Variants in CDK14 observed in about 807,000 individuals in gnomAD.
CDK14 encodes the protein cyclin-dependent kinase 14.
A neutral mutation model predicts 60.7 loss-of-function variants in CDK14; 34 were observed. That is an observed-to-expected ratio of 0.56 (90% CI 0.43 to 0.75). CDK14 has a LOEUF of 0.75. CDK14 is among the 30% of genes least tolerant of loss of function. CDK14 has a pLI of 0.00. For missense variants in CDK14, 482 were observed against 564.1 expected, an observed-to-expected ratio of 0.85 and a Z score of 1.47; for synonymous variants, 197 against 203.7, an observed-to-expected ratio of 0.97 and a Z score of 0.28.
chr7:91,059,047 G>T (rs999436382), intron 11 of CDK14, among the ~76,000 whole-genome samples: 4 of 152,116 alleles, frequency 2.6e-5, no homozygotes, highest in Non-Finnish European at 4.4e-5. Flanking sequence ...ACTTGTTTTG[G>T]TTGGTAAGCT....
rs372661561 is a variant in CDK14, at chr7:90,902,298, C to G, written c.702+2945C>G. Reference sequence around the variant, plus strand: ...CCCAAATAGCCAAAACAATACTGAGCAAAAAGAACAAAGCTGGATACTTCA... The same window carrying G: ...CCCAAATAGCCAAAACAATACTGAGGAAAAAGAACAAAGCTGGATACTTCA... On this transcript the variant is annotated intron_variant, in intron 7 of 14. Transcript: ENST00000380050. Among the ~76,000 whole-genome samples, 24 of 152,024 alleles carry G rather than the reference C, an allele frequency of 1.6e-4. No individual in the cohort carries two copies. In the South Asian group the frequency reaches 5.0e-3, roughly 32 times the overall value.
At chr7:91,083,432 G>A (rs961126438) in intron 12 of CDK14, among the ~76,000 whole-genome samples, 7 of 152,096 alleles carry the variant, frequency 4.6e-5, no homozygotes, top group African/African-American at 1.7e-4. Context: ...AAAATGTACT[G>A]TTTTCAATAT....
At chr7:90,827,432 A>C (rs926076646) in intron 5 of CDK14, among the ~76,000 whole-genome samples, 1 of 152,232 alleles carries the variant, frequency 6.6e-6, no homozygotes, top group Non-Finnish European at 1.5e-5. Context: ...AGGTTTTTGC[A>C]TGGACATACA....
At chr7:90,897,913 C>T (rs1792387625) in intron 6 of CDK14, among the ~76,000 whole-genome samples, 1 of 152,046 alleles carries the variant, frequency 6.6e-6, no homozygotes, top group Non-Finnish European at 1.5e-5. Context: ...TTTCTACCCT[C>T]ATGGAGTTTC....
intron 4 of CDK14, among the ~76,000 whole-genome samples, chr7:90,755,463 G>C (rs1039016821): frequency 6.6e-6 from 1 of 152,136 alleles, no homozygotes; most frequent in African/African-American, 2.4e-5. Context: ...AGACTGCTGA[G>C]TGGGGTTGCT....
chr7:90,676,636 G>A, intron 2 of CDK14, among the ~76,000 whole-genome samples: 1 of 151,466 alleles, frequency 6.6e-6, no homozygotes, highest in East Asian at 1.9e-4. Context: ...GGGTTCAAGC[G>A]ATCCTCCCAC....
chr7:91,142,111 C>T (rs1426981950), intron 14 of CDK14, among the ~76,000 whole-genome samples: 1 of 152,164 alleles, frequency 6.6e-6, no homozygotes, highest in Non-Finnish European at 1.5e-5. Context: ...AGGCATGAAC[C>T]ACCATGCCCG....
At chr7:90,724,294 G>A (rs1320642624) in intron 2 of CDK14, among the ~76,000 whole-genome samples, 2 of 151,312 alleles carry the variant, frequency 1.3e-5, no homozygotes, top group Non-Finnish European at 1.5e-5. Flanking sequence ...TAATATTGGC[G>A]ATGTATATTT....
At chr7:90,806,254 C>T (rs1009671451) in intron 5 of CDK14, among the ~76,000 whole-genome samples, 1 of 151,880 alleles carries the variant, frequency 6.6e-6, no homozygotes, top group Non-Finnish European at 1.5e-5. Flanking sequence ...ACAGCAAAAA[C>T]GTAATATATA....
intron 2 of CDK14, among the ~76,000 whole-genome samples, chr7:90,650,863 T>G (rs1800620730): frequency 6.6e-6 from 1 of 152,214 alleles, no homozygotes. Context: ...ACTGTAGCCT[T>G]GTAGTATAGT....
intron 6 of CDK14, among the ~76,000 whole-genome samples, chr7:90,874,624 G>A (rs1427105178): frequency 7.2e-6 from 1 of 138,146 alleles, no homozygotes; most frequent in Non-Finnish European, 1.5e-5. Context: ...CGCTTCCCGG[G>A]TTCACGCCAT....
chr7:90,946,871 GCAGTTTC>G (rs1426049497), intron 8 of CDK14, among the ~76,000 whole-genome samples: 1 of 152,224 alleles, frequency 6.6e-6, no homozygotes, highest in East Asian at 1.9e-4. Context: ...CCGTCTCCCA[GCAGTTTC>G]CATTTCCCGC....
At chr7:90,611,227 A>G (rs573687709) in intron 2 of CDK14, among the ~76,000 whole-genome samples, 2 of 152,286 alleles carry the variant, frequency 1.3e-5, no homozygotes, top group South Asian at 4.1e-4. Context: ...CATCTCGTCC[A>G]TAACTTCAGC....
intron 2 of CDK14, among the ~76,000 whole-genome samples, chr7:90,637,033 T>C (rs554862164): frequency 0.014 from 2,094 of 152,206 alleles, 64 homozygotes; most frequent in African/African-American, 0.046. Flanking sequence ...CTTTTTTTCT[T>C]TATTAGCCTT....
intron 14 of CDK14, among the ~76,000 whole-genome samples, chr7:91,143,582 G>A (rs1800530794): frequency 1.3e-5 from 2 of 152,054 alleles, no homozygotes; most frequent in East Asian, 1.9e-4. Context: ...TTAGCCAGGC[G>A]TGGTAGTGCT....
intron 8 of CDK14, among the ~76,000 whole-genome samples, chr7:90,937,141 C>T (rs942697596): frequency 6.6e-6 from 1 of 152,042 alleles, no homozygotes; most frequent in East Asian, 1.9e-4. Flanking sequence ...AAGTATAGGA[C>T]ACTGTGAGTA....
intron 14 of CDK14, among the ~76,000 whole-genome samples, chr7:91,167,812 G>T (rs190081471): frequency 1.3e-5 from 2 of 152,238 alleles, no homozygotes; most frequent in Admixed American, 1.3e-4. Flanking sequence ...TAAAAAAATG[G>T]GAAAAGAATA....
intron 14 of CDK14, among the ~76,000 whole-genome samples, chr7:91,167,999 T>C (rs2518778): frequency 0.96 from 146,819 of 152,272 alleles, 70,804 homozygotes; most frequent in East Asian, 1. Flanking sequence ...CATGTTGGCT[T>C]ATGCCTGTAA....
chr7:91,034,366 CT>C (rs1029366911), intron 10 of CDK14, among the ~76,000 whole-genome samples: 15 of 151,170 alleles, frequency 9.9e-5, no homozygotes, highest in African/African-American at 1.9e-4. Flanking sequence ...TTTTCTTTTT[CT>C]TTTTTTTTAA....
Sources: allele counts gnomAD v4.1 joint callset (sites outside exome capture counted in the v4.1 genomes callset), GRCh38; gene constraint gnomAD v4.1.1; transcripts MANE v1.5; gene names NCBI Gene and HGNC (gene_info 2026-07-23, HGNC 2026-07-21).